The following NACC1 variants were observed in gnomAD, a reference collection of about 807,000 sequenced individuals.
NACC1 encodes the protein nucleus accumbens-associated protein 1.
Under a neutral mutation model 41.7 loss-of-function variants are expected in NACC1, and 6 were observed. That is an observed-to-expected ratio of 0.14 (90% confidence interval 0.08 to 0.28). The LOEUF (loss-of-function observed/expected upper bound fraction) is 0.28. Ranked by LOEUF, NACC1 falls within the 10% of genes least tolerant of loss-of-function variation. The probability of loss-of-function intolerance (pLI) is 1.00; values close to 1 mark genes in which losing one functional copy is unlikely to be tolerated. For missense variants in NACC1, 434 were observed against 763.7 expected, an observed-to-expected ratio of 0.57 and a Z score of 5.09; for synonymous variants, 338 against 330.6, an observed-to-expected ratio of 1.02 and a Z score of -0.24.
At chr19:13,127,179 A>C (rs2019573011) in intron 1 of NACC1, among the ~76,000 whole-genome samples, 1 of 151,640 alleles carries the variant, frequency 6.6e-6, no homozygotes. Flanking sequence ...AGCAGGGAGA[A>C]TCAAGCCAGG....
intron 1 of NACC1, among the ~76,000 whole-genome samples, chr19:13,129,544 A>G (rs1050756564): frequency 6.6e-6 from 1 of 152,162 alleles, no homozygotes; most frequent in Non-Finnish European, 1.5e-5. Flanking sequence ...TGCGGGGGCC[A>G]CTGGGGAACT....
intron 1 of NACC1, among the ~76,000 whole-genome samples, chr19:13,121,143 CG>C (rs1433701800): frequency 6.6e-6 from 1 of 151,954 alleles, no homozygotes; most frequent in Non-Finnish European, 1.5e-5. Context: ...GATGGGTGGC[CG>C]GAAGTGTTCC....
chr19:13,130,896 A>G (rs2087507910), intron 1 of NACC1, among the ~76,000 whole-genome samples: 1 of 151,444 alleles, frequency 6.6e-6, no homozygotes, highest in African/African-American at 2.4e-5. Context: ...AGATGTCCAC[A>G]CTCTGTAGGC....
At chr19:13,135,052 G>A in intron 1 of NACC1, 148 bp from the exon 2 acceptor site, 1 of 1,362,752 alleles carries the variant, frequency 7.3e-7, no homozygotes, top group Non-Finnish European at 9.6e-7. Flanking sequence ...AGGGCTCTGT[G>A]TGGTTTAGCA....
intron 1 of NACC1, among the ~76,000 whole-genome samples, chr19:13,134,746 T>C (rs2019677266): frequency 6.6e-6 from 1 of 152,228 alleles, no homozygotes; most frequent in Non-Finnish European, 1.5e-5. Flanking sequence ...CTGCAGACTC[T>C]GCTGCACAGT....
Position 13,138,061 on chromosome 19 carries a change from C to T in NACC1, c.1325-86C>T, listed in dbSNP as rs1442633478. The T allele has an allele frequency of 3.2e-6, 5 of 1,553,184 alleles. No homozygotes were observed. Among genetic ancestry groups the T allele is most frequent in the South Asian group, 2.4e-5 (2 of 82,250 alleles). Reference sequence around the variant, plus strand: ...ACTCGTTTCCCCTTTGAGAGGGAGTCGCAGATGCTGTAGGGGAGCTGGTGA... The same window carrying T: ...ACTCGTTTCCCCTTTGAGAGGGAGTTGCAGATGCTGTAGGGGAGCTGGTGA... On this transcript the variant is annotated intron_variant, in intron 5 of 5. Coordinates refer to ENST00000292431, the MANE Select transcript of NACC1 (RefSeq NM_052876.4). This position sits in a 1 kb window ranked among gnomAD's most constrained non-coding sequence, Gnocchi z 5.7.
Position 13,137,328 on chromosome 19 carries a change from C to T in NACC1, c.1178C>T (p.Thr393Met), listed in dbSNP as rs758694300. The T allele has an allele frequency of 2.6e-5, 42 of 1,613,848 alleles. No homozygotes were observed. The highest frequency in any genetic ancestry group is 3.5e-5 in the Non-Finnish European group (41 of 1,180,000). Residue 393 changes from threonine (T) to methionine (M), a missense_variant, in exon 4 of 6, where the codon ACG becomes ATG. By Grantham distance (81) the Thr-to-Met change is moderately conservative. Coordinates refer to ENST00000292431, the MANE Select transcript of NACC1 (RefSeq NM_052876.4). This position sits in a 1 kb window ranked among gnomAD's most constrained non-coding sequence, Gnocchi z 6.1. ...QLMNCHVSAG[T>M]RHKVLLRRLL... ...ATGAACTGCCACGTCAGCGCAGGCACGCGGCACAAGGTCCTACTGCGGCGG... is the reference window on the plus strand; with the variant it reads ...ATGAACTGCCACGTCAGCGCAGGCATGCGGCACAAGGTCCTACTGCGGCGG...
intron 1 of NACC1, among the ~76,000 whole-genome samples, chr19:13,129,610 G>A (rs1346146110): frequency 3.9e-5 from 6 of 152,154 alleles, no homozygotes; most frequent in Admixed American, 2.0e-4. Context: ...CACTCCGCTC[G>A]TCCCCAGCAG....
At chr19:13,118,015 A>G (rs1599974460), upstream of NACC1, 1 of 152,286 alleles carries the variant, frequency 6.6e-6, no homozygotes, top group Non-Finnish European at 1.5e-5. Flanking sequence ...TCGGAAAGGT[A>G]GAGCGACTTG....
intron 1 of NACC1, among the ~76,000 whole-genome samples, chr19:13,132,758 A>G (rs1157598120): frequency 2.0e-5 from 3 of 152,114 alleles, no homozygotes; most frequent in African/African-American, 4.8e-5. Context: ...TTCCCTGATG[A>G]CTAGTAATGT....
At position 13,135,611 on chromosome 19, in the gene NACC1, C is replaced by A; in HGVS notation, c.404C>A (p.Ala135Glu). The A allele has an allele frequency of 1.3e-6, 2 of 1,585,678 alleles. No homozygotes were observed. Among genetic ancestry groups the A allele is most frequent in the Non-Finnish European group, 1.7e-6 (2 of 1,168,606 alleles). The part of the protein sequence containing the change: ...SPSCDSQGLH[A>E]EEAPSSEPQS... ...AGCTGCGACTCCCAGGGCCTGCATG[C>A]GGAGGAGGCCCCATCGTCGGAGCCC... Residue 135 changes from alanine (A) to glutamate (E), a missense_variant, in exon 2 of 6, where the codon GCG (alanine) becomes GAG (glutamate). Physicochemically the swap from Ala to Glu is moderately radical, Grantham distance 107. Coordinates refer to ENST00000292431, the MANE Select transcript of NACC1 (RefSeq NM_052876.4).
At position 13,135,684 on chromosome 19, in the gene NACC1, G is replaced by A. The variant is rs758160837; in HGVS notation, c.477G>A (p.Pro159=). 7 of 1,553,808 alleles carry A rather than the reference G, an allele frequency of 4.5e-6. No individual in the cohort carries two copies. The highest frequency in any genetic ancestry group is 1.4e-5 in the African/African-American group (1 of 73,764). ...CGGGCTGGCCAGCCTGTAGCACCCC[G>A]CTGCCCCTCGTGTCGCGGGTGAAGA... The part of the protein sequence containing the change: ...QTSGWPACST[P]LPLVSRVKTE... The change falls in exon 2 of 6, where the codon CCG becomes CCA. Residue 159 remains proline (P), a synonymous_variant. Transcript: ENST00000292431.
At chr19:13,125,728 AT>A (rs1217302025) in intron 1 of NACC1, among the ~76,000 whole-genome samples, 3 of 145,316 alleles carry the variant, frequency 2.1e-5, no homozygotes, top group Non-Finnish European at 4.5e-5. Context: ...CCCTTTTTAA[AT>A]TTTTGATCAA....
At chr19:13,123,936 G>T (rs932631338) in intron 1 of NACC1, among the ~76,000 whole-genome samples, 4 of 152,272 alleles carry the variant, frequency 2.6e-5, no homozygotes, top group Admixed American at 2.6e-4. Flanking sequence ...TTCTTCCTCA[G>T]AAACTGTAAA....
At position 13,127,371 on chromosome 19, in the gene NACC1, C is replaced by CTTTTTTTTTTTTTTTTT. The variant is rs147514422; in HGVS notation, c.-8-7816_-8-7800dup. ...AAAAAAAAGCATACATATACATATA[C>CTTTTTTTTTTTTTTTTT]TTTTTTTTTTTTTTTTTTTTTTTTT... On this transcript the variant is annotated intron_variant, in intron 1 of 5. Transcript: ENST00000292431. Among the ~76,000 whole-genome samples the CTTTTTTTTTTTTTTTTT allele has an allele frequency of 2.5e-4, 7 of 28,516 alleles. 1 individual carries two copies. The highest frequency in any genetic ancestry group is 1.5e-3 in the South Asian group (1 of 680). 18.7% of individuals were successfully genotyped at this position (28,516 alleles called of 152,430 possible).
Position 13,121,585 on chromosome 19 carries a change from G to C in NACC1, c.-9+3131G>C, listed in dbSNP as rs60051691. Among the ~76,000 whole-genome samples, 546 of 152,282 alleles carry C rather than the reference G, an allele frequency of 3.6e-3. 3 individuals carry two copies. The highest frequency in any genetic ancestry group is 0.012 in the African/African-American group (480 of 41,554). ...ATTGAAGGAGTCTGCCTGGAGGCCC[G>C]GGGGTTTGGAGAGAGTTTGGGGTTG... On this transcript the variant is annotated intron_variant, in intron 1 of 5. Coordinates refer to ENST00000292431, the MANE Select transcript of NACC1 (RefSeq NM_052876.4).
At chr19:13,122,566 G>T (rs1159955826) in intron 1 of NACC1, among the ~76,000 whole-genome samples, 1 of 146,062 alleles carries the variant, frequency 6.8e-6, no homozygotes, top group East Asian at 2.0e-4. Context: ...GGGTTTATAG[G>T]CCAGGGATGC....
At chr19:13,131,376 C>A (rs1269044906) in intron 1 of NACC1, among the ~76,000 whole-genome samples, 1 of 152,214 alleles carries the variant, frequency 6.6e-6, no homozygotes, top group Non-Finnish European at 1.5e-5. Context: ...CCAGCCTCTT[C>A]CCTTGACCAT....
At chr19:13,133,362 A>G (rs1180088556) in intron 1 of NACC1, among the ~76,000 whole-genome samples, 1 of 151,792 alleles carries the variant, frequency 6.6e-6, no homozygotes, top group East Asian at 1.9e-4. Context: ...TCTCAAAAAA[A>G]AAAAAGAAAA....
Sources: gnomAD v4.1 joint callset for allele counts (sites outside exome capture counted in the v4.1 genomes callset) on GRCh38, gnomAD v4.1.1 for gene constraint, Gnocchi (gnomAD v3.1) non-coding constraint, MANE v1.5 for transcripts, NCBI Gene and HGNC (gene_info 2026-07-23, HGNC 2026-07-21) for gene names.